Variants in SORCS3 observed in about 807,000 individuals in gnomAD.
SORCS3 encodes the protein VPS10 domain-containing receptor SorCS3.
SORCS3 carries 57 observed loss-of-function variants against 146.3 expected under a neutral mutation model. The ratio of observed to expected loss-of-function variants is 0.39; its 90% CI spans 0.31 to 0.49. SORCS3 has a LOEUF of 0.49. Among genes scored for constraint, SORCS3 ranks in the 20% least tolerant of loss-of-function variants. The probability of loss-of-function intolerance (pLI) is 0.92; values close to 1 mark genes in which losing one functional copy is unlikely to be tolerated. For synonymous variants in SORCS3, 653 were observed against 618.5 expected, an observed-to-expected ratio of 1.06 and a Z score of -0.83; for missense variants, 1,341 against 1,575.5, an observed-to-expected ratio of 0.85 and a Z score of 2.52.
chr10:104,835,672 A>G (rs1217214795), intron 1 of SORCS3, among the ~76,000 whole-genome samples: 1 of 152,152 alleles, frequency 6.6e-6, no homozygotes, highest in Non-Finnish European at 1.5e-5. Flanking sequence ...GTGCCAGGTG[A>G]GAGAACACTG....
intron 13 of SORCS3, among the ~76,000 whole-genome samples, chr10:105,176,951 A>G (rs1181080827): frequency 6.7e-6 from 1 of 149,352 alleles, no homozygotes; most frequent in African/African-American, 2.4e-5. Flanking sequence ...TTATGTGCAT[A>G]TATTAGGATT....
At chr10:104,985,891 G>A (rs760804199) in intron 4 of SORCS3, among the ~76,000 whole-genome samples, 4 of 152,174 alleles carry the variant, frequency 2.6e-5, no homozygotes, top group Non-Finnish European at 4.4e-5. Flanking sequence ...TGTCATGCAG[G>A]CTTTGCTGGT....
At chr10:104,835,229 A>T (rs762891141) in intron 1 of SORCS3, among the ~76,000 whole-genome samples, 3 of 151,984 alleles carry the variant, frequency 2.0e-5, no homozygotes, top group Non-Finnish European at 4.4e-5. Context: ...AGATGCCAAG[A>T]CTCACAAGAC....
At chr10:104,741,700 G>GTTTTTTTTTT (rs71022746) in intron 1 of SORCS3, among the ~76,000 whole-genome samples, 2 of 3,266 alleles carry the variant, frequency 6.1e-4, no homozygotes, top group Non-Finnish European at 1.1e-3. Context: ...TCCATTCTGG[G>GTTTTTTTTTT]TTTTTTTTTT....
At chr10:105,039,438 G>T (rs1564740343) in intron 4 of SORCS3, among the ~76,000 whole-genome samples, 1 of 150,248 alleles carries the variant, frequency 6.7e-6, no homozygotes, top group Non-Finnish European at 1.5e-5. Flanking sequence ...ATCAGCAGTG[G>T]CTCTCTCGCT....
At chr10:105,190,745 TCTA>T (rs746497742) in intron 14 of SORCS3, among the ~76,000 whole-genome samples, 5 of 152,172 alleles carry the variant, frequency 3.3e-5, no homozygotes, top group Non-Finnish European at 2.9e-5. Flanking sequence ...GATCTGCTGA[TCTA>T]CTGTTTGCAA....
chr10:105,176,736 T>G (rs1244673586), intron 13 of SORCS3, among the ~76,000 whole-genome samples: 3 of 151,874 alleles, frequency 2.0e-5, no homozygotes, highest in African/African-American at 7.3e-5. Flanking sequence ...GTGCCTGTAG[T>G]CCCAGCTACT....
rs146986755 is a variant in SORCS3 at position 104,751,419 on chromosome 10, T to C, written c.628-91373T>C. On this transcript the variant is annotated intron_variant, in intron 1 of 26. Transcript: ENST00000369701. ...CAGATGAGTGACAGGATTCTGACCATCCTGCAAGAGATGGGCCAGCCTGAA... is the reference window on the plus strand; with the variant it reads ...CAGATGAGTGACAGGATTCTGACCACCCTGCAAGAGATGGGCCAGCCTGAA... 3.3e-3 allele frequency among the ~76,000 whole-genome samples: 507 copies of C among 152,276 alleles called. 3 individuals carry two copies. Among genetic ancestry groups the C allele is most frequent in the African/African-American group, 0.012 (481 of 41,558 alleles).
At chr10:105,070,729 A>AT (rs2055550991) in intron 5 of SORCS3, among the ~76,000 whole-genome samples, 1 of 152,264 alleles carries the variant, frequency 6.6e-6, no homozygotes, top group Non-Finnish European at 1.5e-5. Context: ...TGTTTAGCTC[A>AT]GGAGCATCTG....
At chr10:104,884,354 A>T (rs1030323105) in intron 2 of SORCS3, among the ~76,000 whole-genome samples, 9 of 152,232 alleles carry the variant, frequency 5.9e-5, no homozygotes, top group Admixed American at 6.5e-5. Context: ...CAGAAAAGTA[A>T]GATCTAACCA....
chr10:105,085,601 T>G (rs1193532654), intron 5 of SORCS3, among the ~76,000 whole-genome samples: 1 of 152,196 alleles, frequency 6.6e-6, no homozygotes, highest in African/African-American at 2.4e-5. Context: ...TAAAAATCAT[T>G]CTATTTCTAA....
At chr10:104,984,635 T>C (rs1365768255) in intron 4 of SORCS3, among the ~76,000 whole-genome samples, 2 of 152,128 alleles carry the variant, frequency 1.3e-5, no homozygotes, top group Admixed American at 6.6e-5. Context: ...TATGCAACCA[T>C]TAAAATAGTG....
chr10:105,145,885 T>G (rs2119462850), intron 8 of SORCS3, among the ~76,000 whole-genome samples: 2 of 145,412 alleles, frequency 1.4e-5, no homozygotes, highest in Middle Eastern at 7.4e-3. Context: ...ATCTCCAGGT[T>G]GTCCAAATCA....
At chr10:105,175,068 A>T (rs908791457) in intron 13 of SORCS3, among the ~76,000 whole-genome samples, 1 of 152,030 alleles carries the variant, frequency 6.6e-6, no homozygotes, top group African/African-American at 2.4e-5. Context: ...TTGTTTTGAG[A>T]TGGAGTTTCA....
intron 7 of SORCS3, among the ~76,000 whole-genome samples, chr10:105,131,153 TAGAG>T (rs1374810834): frequency 6.6e-6 from 1 of 152,076 alleles, no homozygotes. Flanking sequence ...ATTATGGAAG[TAGAG>T]AGAGAAAAGC....
intron 1 of SORCS3, among the ~76,000 whole-genome samples, chr10:104,711,374 T>A (rs184355502): frequency 6.6e-6 from 1 of 152,184 alleles, no homozygotes; most frequent in African/African-American, 2.4e-5. Flanking sequence ...GTCAGCTTAG[T>A]GCTTTTAAGT....
At chr10:105,129,332 T>TCTCTCTC (rs10695210) in intron 7 of SORCS3, among the ~76,000 whole-genome samples, 10,053 of 56,828 alleles carry the variant, frequency 0.18, 573 homozygotes, top group Admixed American at 0.28. Context: ...TTTCTTTCTC[T>TCTCTCTC]TTTTTTTTTT....
chr10:105,104,876 ACT>A (rs2055810293), intron 6 of SORCS3, among the ~76,000 whole-genome samples: 1 of 152,070 alleles, frequency 6.6e-6, no homozygotes, highest in Admixed American at 6.6e-5. Flanking sequence ...GCAGCATAGT[ACT>A]CTGTCATATG....
chr10:104,932,366 G>T (rs1766427630), intron 3 of SORCS3, among the ~76,000 whole-genome samples: 1 of 152,140 alleles, frequency 6.6e-6, no homozygotes, highest in Non-Finnish European at 1.5e-5. Flanking sequence ...CTGAAGTCAG[G>T]GCTGGCACAT....
Sources: gnomAD v4.1 joint callset for allele counts (sites outside exome capture counted in the v4.1 genomes callset) on GRCh38, gnomAD v4.1.1 for gene constraint, MANE v1.5 for transcripts, NCBI Gene and HGNC (gene_info 2026-07-23, HGNC 2026-07-21) for gene names.